CEP72: variants seen among roughly 807,000 people sequenced by gnomAD.
The protein encoded by CEP72 is centrosomal protein 72, also known as centrosomal protein of 72 kDa.
In CEP72, 78 loss-of-function variants were observed where a neutral mutation model predicts 65.7. That is an observed-to-expected ratio of 1.19 (90% CI 0.99 to 1.43). The LOEUF is 1.43. CEP72 is among the 40% of genes most tolerant of loss of function. CEP72 has a pLI of 0.00. For synonymous variants in CEP72, 358 were observed against 351.7 expected (o/e 1.02, Z -0.20); for missense variants, 914 against 832.9 (o/e 1.10, Z -1.20).
chr5:675,673 C>CTCAG, the CEP72 span, among the ~76,000 whole-genome samples: 1 of 151,962 alleles, frequency 6.6e-6, no homozygotes, highest in Admixed American at 6.5e-5. Flanking sequence ...TGAGCCCCAG[C>CTCAG]CCTTGTTGGG....
chr5:619,956 A>T, intron 2 of CEP72, 113 bp from the exon 3 acceptor site: 1 of 777,874 alleles, frequency 1.3e-6, no homozygotes, highest in Non-Finnish European at 2.1e-6. Context: ...AATGACATGG[A>T]GTTATTGCAA....
At chr5:669,929 GC>G (rs1006658762), downstream of CEP72, among the ~76,000 whole-genome samples, 9 of 152,192 alleles carry the variant, frequency 5.9e-5, no homozygotes, top group African/African-American at 2.2e-4. Context: ...AGACCAGGGT[GC>G]TGGAGGAGCC....
chr5:667,881 C>T (rs1739992289), downstream of CEP72, among the ~76,000 whole-genome samples: 1 of 92,898 alleles, frequency 1.1e-5, no homozygotes, highest in African/African-American at 7.0e-5. Flanking sequence ...GACAAGCACA[C>T]AGAGAGGGGG....
At chr5:632,414 TG>T (rs370117003) in intron 4 of CEP72, among the ~76,000 whole-genome samples, 162 of 3,422 alleles carry the variant, frequency 0.047, no homozygotes, top group South Asian at 0.15. Flanking sequence ...TGTCCAGTGC[TG>T]GGATTTGACC....
downstream of CEP72, among the ~76,000 whole-genome samples, chr5:670,472 C>T (rs1740179734): frequency 6.6e-6 from 1 of 152,110 alleles, no homozygotes; most frequent in Non-Finnish European, 1.5e-5. Flanking sequence ...GGGGCTGCGG[C>T]TCCCCCAGGG....
intron 1 of CEP72, among the ~76,000 whole-genome samples, chr5:612,928 C>G (rs931087273): frequency 6.6e-6 from 1 of 152,220 alleles, no homozygotes; most frequent in African/African-American, 2.4e-5. Context: ...GAAGTGTTGC[C>G]TTCTCTTATA....
At chr5:634,275 G>T (rs936374454) in intron 5 of CEP72, among the ~76,000 whole-genome samples, 1 of 151,824 alleles carries the variant, frequency 6.6e-6, no homozygotes, top group Admixed American at 6.6e-5. Context: ...GGCAGCTGCA[G>T]GGGGGCATAG....
intron 11 of CEP72, among the ~76,000 whole-genome samples, chr5:649,373 CTG>C (rs1738748625): frequency 8.4e-6 from 1 of 118,806 alleles, no homozygotes; most frequent in Non-Finnish European, 1.7e-5. Context: ...TGAGGTGTGA[CTG>C]TGAGGTGTGA....
downstream of CEP72, among the ~76,000 whole-genome samples, chr5:669,327 G>A (rs56934245): frequency 0.06 from 9,100 of 152,272 alleles, 537 homozygotes; most frequent in African/African-American, 0.15. Context: ...GTGGGGGTCC[G>A]CGGTGTTGGG....
chr5:665,973 C>G (rs1297896207), exon 4 of CEP72: 3 of 1,586,250 alleles, frequency 1.9e-6, no homozygotes, highest in Non-Finnish European at 2.6e-6. Flanking sequence ...TGCTCACCGT[C>G]ACCCCTGAGA....
At chr5:668,075 G>A (rs56761240), downstream of CEP72, among the ~76,000 whole-genome samples, 605 of 27,940 alleles carry the variant, frequency 0.022, 187 homozygotes, top group Non-Finnish European at 0.027. Context: ...CAAGCACACT[G>A]GAGAGGGGTC....
chr5:629,278 C>T (rs1235361631), intron 4 of CEP72, among the ~76,000 whole-genome samples: 1 of 152,262 alleles, frequency 6.6e-6, no homozygotes, highest in African/African-American at 2.4e-5. Context: ...TGAAAGTGAA[C>T]ATTTGGAACA....
At chr5:644,680 G>A (rs564376549) in intron 10 of CEP72, among the ~76,000 whole-genome samples, 15 of 152,156 alleles carry the variant, frequency 9.9e-5, no homozygotes, top group Non-Finnish European at 2.2e-4. Flanking sequence ...CTGCCCGACC[G>A]TCCTCCCCTC....
At chr5:633,969 A>G (rs763206617) in intron 5 of CEP72, 22 bp downstream of exon 5, 42 of 1,606,794 alleles carry the variant, frequency 2.6e-5, no homozygotes, top group Non-Finnish European at 3.3e-5. Context: ...ATCTGCCAGG[A>G]GGCCAGTGGG....
At chr5:667,283 C>A (rs1248026762), downstream of CEP72, 1 of 152,238 alleles carries the variant, frequency 6.6e-6, no homozygotes, top group East Asian at 1.9e-4. Context: ...GCATGCTGCC[C>A]CCCCGATGTC....
intron 10 of CEP72, among the ~76,000 whole-genome samples, chr5:644,963 A>G (rs762636374): frequency 6.6e-6 from 1 of 150,840 alleles, no homozygotes; most frequent in African/African-American, 2.4e-5. Flanking sequence ...TGTATTCAGT[A>G]TTTCAAGTTC....
At chr5:644,761 G>A (rs567219749) in intron 10 of CEP72, among the ~76,000 whole-genome samples, 10 of 152,168 alleles carry the variant, frequency 6.6e-5, no homozygotes, top group African/African-American at 4.8e-5. Flanking sequence ...CCTGTCTGGC[G>A]TCCTCCCATG....
rs774785287 is a variant in CEP72, at chr5:624,826, A to G, written c.512+247A>G. Among the ~76,000 whole-genome samples the G allele has an allele frequency of 2.6e-5, 4 of 152,058 alleles. No homozygotes were observed. The highest frequency in any genetic ancestry group is 4.8e-5 in the African/African-American group (2 of 41,400). On this transcript the variant is annotated intron_variant, in intron 4 of 11. Coordinates refer to ENST00000264935, the MANE Select transcript of CEP72 (RefSeq NM_018140.4). This position sits in a 1 kb window ranked among gnomAD's most constrained non-coding sequence, Gnocchi z 4.7. ...GATTAAGGTAATATGTGTAAAATCAACTCAGCAAAGGGCTTGTCCTGTCCC... is the reference window on the plus strand; with the variant it reads ...GATTAAGGTAATATGTGTAAAATCAGCTCAGCAAAGGGCTTGTCCTGTCCC...
downstream of CEP72, among the ~76,000 whole-genome samples, chr5:671,126 C>G (rs538425993): frequency 6.6e-6 from 1 of 152,320 alleles, no homozygotes; most frequent in East Asian, 1.9e-4. Context: ...GTCTGGCTAC[C>G]GAAGGCTCCC....
Sources: gnomAD v4.1 joint callset for allele counts (sites outside exome capture counted in the v4.1 genomes callset) on GRCh38, gnomAD v4.1.1 for gene constraint, Gnocchi (gnomAD v3.1) non-coding constraint, MANE v1.5 for transcripts, NCBI Gene and HGNC (gene_info 2026-07-23, HGNC 2026-07-21) for gene names.